CRHR1: variants seen among roughly 807,000 people sequenced by gnomAD.
CRHR1 encodes corticotropin-releasing hormone receptor 1.
CRHR1 carries 28 observed loss-of-function variants against 56.0 expected under a neutral mutation model. The observed-to-expected ratio is 0.50, with a 90% CI of 0.37 to 0.69. The LOEUF is 0.69. CRHR1 is among the 30% of genes least tolerant of loss of function. The probability of loss-of-function intolerance (pLI) is 0.00; values close to 1 mark genes in which losing one functional copy is unlikely to be tolerated. For missense variants in CRHR1, 376 were observed against 548.0 expected (o/e 0.69, Z 3.13); for synonymous variants, 195 against 216.5 (o/e 0.90, Z 0.87).
Position 45,831,040 on chromosome 17 carries a change from C to G in CRHR1, c.770+100C>G, listed in dbSNP as rs2062297618. The G allele has an allele frequency of 2.4e-5, 27 of 1,141,072 alleles. No individual in the cohort carries two copies. The South Asian group carries it at 3.5e-4, about 15-fold the overall frequency. The allele number at this position is 1,141,072 out of a possible 1,614,324, so 70.7% of individuals were successfully genotyped here. ...ATTGGCCATGCTGGCTTTTTCCCCT[C>G]AGGACCATGGTTTCTGCATCTATAA... On this transcript the variant is annotated intron_variant, in intron 8 of 12. Coordinates refer to ENST00000314537, the MANE Select transcript of CRHR1 (RefSeq NM_004382.5).
chr17:45,803,757 C>CGTGTGTGTGTGT lies in CRHR1; in HGVS notation c.34-3245_34-3234dup, dbSNP rs553066030. 9.2e-3 allele frequency among the ~76,000 whole-genome samples: 1,189 copies of CGTGTGTGTGTGT among 129,530 alleles called. 19 individuals are homozygous for CGTGTGTGTGTGT. Among genetic ancestry groups the CGTGTGTGTGTGT allele is most frequent in the Admixed American group, 0.024 (296 of 12,288 alleles). 85.0% of individuals were successfully genotyped at this position (129,530 alleles called of 152,430 possible). ...GAGCCCTAGTTTGAGAGAGAGAGTG[C>CGTGTGTGTGTGT]GTGTGTGTGTGTGTGTGTGCGTGCG... On this transcript the variant is annotated intron_variant, in intron 1 of 12. Coordinates refer to ENST00000314537, the MANE Select transcript of CRHR1 (RefSeq NM_004382.5).
chr17:45,794,334 T>G (rs1295206754), intron 1 of CRHR1, among the ~76,000 whole-genome samples: 4 of 152,222 alleles, frequency 2.6e-5, no homozygotes. Flanking sequence ...AACCAATTGT[T>G]GGTAGGTTGG....
intron 4 of CRHR1, among the ~76,000 whole-genome samples, chr17:45,821,794 C>T (rs1184120148): frequency 6.6e-6 from 1 of 152,222 alleles, no homozygotes; most frequent in African/African-American, 2.4e-5. Flanking sequence ...CCCTTTTCCA[C>T]AACACATGCC....
At chr17:45,806,250 G>A (rs558176881) in intron 1 of CRHR1, among the ~76,000 whole-genome samples, 2 of 152,238 alleles carry the variant, frequency 1.3e-5, no homozygotes, top group African/African-American at 4.8e-5. Context: ...TTCCCAACTG[G>A]GCTAAAATTC....
intron 4 of CRHR1, among the ~76,000 whole-genome samples, chr17:45,828,593 G>A (rs899874201): frequency 1.3e-4 from 20 of 152,234 alleles, no homozygotes; most frequent in Non-Finnish European, 4.4e-5. Flanking sequence ...TGCTCACTCT[G>A]CACAGATCCC....
intron 1 of CRHR1, among the ~76,000 whole-genome samples, chr17:45,788,763 C>T (rs867671698): frequency 1.3e-5 from 2 of 152,212 alleles, no homozygotes; most frequent in African/African-American, 4.8e-5. Flanking sequence ...TTACCCTTCA[C>T]GGCACTGAGC....
At chr17:45,833,055 G>A (rs1330733782) in intron 8 of CRHR1, 83 bp from the exon 9 acceptor site, 9 of 1,270,448 alleles carry the variant, frequency 7.1e-6, no homozygotes, top group African/African-American at 1.5e-5. Context: ...CCCCAGTCCT[G>A]TCCTGGCCAA....
intron 9 of CRHR1, 41 bp from the exon 10 acceptor site, chr17:45,833,411 C>G (rs773711776): frequency 1.2e-6 from 2 of 1,601,960 alleles, no homozygotes; most frequent in Non-Finnish European, 1.7e-6. Flanking sequence ...GGGTCCCAAG[C>G]CTCTTGCACA....
intron 8 of CRHR1, among the ~76,000 whole-genome samples, chr17:45,831,835 G>A (rs1448140602): frequency 1.3e-5 from 2 of 152,226 alleles, no homozygotes; most frequent in South Asian, 2.1e-4. Flanking sequence ...CTCCACCACA[G>A]TGACAAGCCC....
chr17:45,791,535 C>G (rs2061424980), intron 1 of CRHR1, among the ~76,000 whole-genome samples: 1 of 152,122 alleles, frequency 6.6e-6, no homozygotes, highest in African/African-American at 2.4e-5. Flanking sequence ...CCCTAGCATC[C>G]AAGAGAGCCT....
intron 2 of CRHR1, among the ~76,000 whole-genome samples, chr17:45,814,018 G>A (rs866397884): frequency 3.3e-5 from 5 of 152,222 alleles, no homozygotes; most frequent in Admixed American, 6.5e-5. Context: ...CTCTGGCCTC[G>A]TCCTCGCTGT....
intron 9 of CRHR1, 44 bp downstream of exon 9, chr17:45,833,254 G>A (rs1240508883): frequency 8.1e-6 from 13 of 1,598,110 alleles, no homozygotes; most frequent in Non-Finnish European, 1.1e-5. Context: ...CAGTGGGGAG[G>A]GGCAATCAGT....
intron 5 of CRHR1, 191 bp downstream of exon 5, chr17:45,829,512 C>G: frequency 6.6e-7 from 1 of 1,511,286 alleles, no homozygotes; most frequent in South Asian, 1.2e-5. Flanking sequence ...CCAGTAGCTG[C>G]TGGAATGGTG....
At chr17:45,788,725 G>T (rs1402391167) in intron 1 of CRHR1, among the ~76,000 whole-genome samples, 1 of 152,202 alleles carries the variant, frequency 6.6e-6, no homozygotes, top group Non-Finnish European at 1.5e-5. Flanking sequence ...TCTTGGACAT[G>T]CAATATATTA....
intron 1 of CRHR1, chr17:45,800,816 T>G: frequency 6.6e-6 from 1 of 151,972 alleles, no homozygotes; most frequent in Admixed American, 6.5e-5. Flanking sequence ...GAAAACAGGC[T>G]CCCTTTTCCC....
chr17:45,809,249 A>G (rs2061774593), intron 2 of CRHR1, among the ~76,000 whole-genome samples: 1 of 152,118 alleles, frequency 6.6e-6, no homozygotes, highest in Non-Finnish European at 1.5e-5. Context: ...TCTGGCTGCA[A>G]AGTTGATTAA....
At chr17:45,794,443 G>A (rs1175800862) in intron 1 of CRHR1, among the ~76,000 whole-genome samples, 1 of 152,176 alleles carries the variant, frequency 6.6e-6, no homozygotes, top group East Asian at 1.9e-4. Context: ...CCAGATCTCT[G>A]GTTCACCCTT....
chr17:45,823,159 A>AG (rs985546895), intron 4 of CRHR1, among the ~76,000 whole-genome samples: 7 of 150,864 alleles, frequency 4.6e-5, no homozygotes, highest in Non-Finnish European at 1.0e-4. Context: ...AAAAAAAAAA[A>AG]TGGAATCTCC....
At position 45,817,812 on chromosome 17, in the gene CRHR1, T is replaced by C. The variant is rs555951073; in HGVS notation, c.241+1230T>C. On this transcript the variant is annotated intron_variant, in intron 3 of 12. Transcript: ENST00000314537. ...AGGGAGAAGACACACTGGGAGGGGCTTGGGGGCCAAGGGGAGGAAGTGCAG... is the reference window on the plus strand; with the variant it reads ...AGGGAGAAGACACACTGGGAGGGGCCTGGGGGCCAAGGGGAGGAAGTGCAG... 6.0e-4 allele frequency among the ~76,000 whole-genome samples: 92 copies of C among 152,212 alleles called. 1 individual carries two copies. The highest frequency in any genetic ancestry group is 2.1e-3 in the African/African-American group (88 of 41,532).
Sources: allele counts gnomAD v4.1 joint callset (sites outside exome capture counted in the v4.1 genomes callset), GRCh38; gene constraint gnomAD v4.1.1; transcripts MANE v1.5; gene names NCBI Gene and HGNC (gene_info 2026-07-23, HGNC 2026-07-21).